The following NXNL1 variants were observed in gnomAD, a reference collection of about 807,000 sequenced individuals.
The protein encoded by NXNL1 is nucleoredoxin-like protein 1.
In NXNL1, 6 loss-of-function variants were observed where a neutral mutation model predicts 7.2. The ratio of observed to expected loss-of-function variants is 0.83; its 90% confidence interval spans 0.46 to 1.64. The LOEUF (loss-of-function observed/expected upper bound fraction) is 1.64. Among genes scored for constraint, NXNL1 ranks in the 40% most tolerant of loss-of-function variants. The pLI, the probability that NXNL1 is intolerant of heterozygous loss-of-function variation, is 0.01. For missense variants in NXNL1, 308 were observed against 285.1 expected, an observed-to-expected ratio of 1.08 and a Z score of -0.58; for synonymous variants, 133 against 127.2, an observed-to-expected ratio of 1.05 and a Z score of -0.31.
Position 17,455,680 on chromosome 19 carries a change from AC to A in NXNL1, c.605del (p.Gly202ValfsTer62). 1 of 413,154 alleles carries A rather than the reference AC, an allele frequency of 2.4e-6. No homozygotes were observed. The highest frequency in any genetic ancestry group is 3.4e-6 in the Non-Finnish European group (1 of 291,024). The allele number at this position is 413,154 out of a possible 1,614,324, so 25.6% of individuals were successfully genotyped here. On this transcript the variant is annotated frameshift_variant, in exon 2 of 2. Coordinates refer to ENST00000301944, the MANE Select transcript of NXNL1 (RefSeq NM_138454.2). LOFTEE classifies it high-confidence loss of function. ...GCCCCCCGGCCCCGCCCTCCTCCCC[AC>A]CCCCTCCCCCGGGGTCGCGCCCGCC... is the stretch of plus-strand genomic sequence containing the variant. ...ARGGRDPGGG[G>X]GEEGGAGGLF is the part of the protein sequence containing the mutation.
chr19:17,459,440 CAG>C (rs1480614502), intron 1 of NXNL1, among the ~76,000 whole-genome samples: 3 of 151,566 alleles, frequency 2.0e-5, no homozygotes, highest in Non-Finnish European at 4.4e-5. Context: ...ATTTTTGAGA[CAG>C]AGTCTCACTC....
At position 17,455,785 on chromosome 19, in the gene NXNL1, C is replaced by T; in HGVS notation, c.501G>A (p.Glu167=). The T allele has an allele frequency of 6.4e-7, 1 of 1,556,212 alleles. No individual in the cohort carries two copies. The highest frequency in any genetic ancestry group is 8.7e-7 in the Non-Finnish European group (1 of 1,155,730). ...TCCGTGGCTCCTGGTCCTCCAGGTC[C>T]TCTGGCAGCTGGAAGTTGCGGTCCA... ...EVLDRNFQLP[E]DLEDQEPRSL... Residue 167 remains glutamate (E), a synonymous_variant, in exon 2 of 2, where the codon GAG becomes GAA. Transcript: ENST00000301944.
Position 17,460,910 on chromosome 19 carries a change from T to TC in NXNL1, c.-42dup, listed in dbSNP as rs1216905760. 2 of 1,592,214 alleles carry TC rather than the reference T, an allele frequency of 1.3e-6. No homozygotes were observed. On this transcript the variant is annotated 5_prime_UTR_variant, in exon 1 of 2. Transcript: ENST00000301944. ...GTGCTGGGGACAGCGCGGCGTGTGG[T>TC]CCCCGGTCTGCTGACTGGCTCCTCT...
chr19:17,459,683 G>T (rs1313970942), intron 1 of NXNL1, among the ~76,000 whole-genome samples: 1 of 151,668 alleles, frequency 6.6e-6, no homozygotes, highest in African/African-American at 2.4e-5. Flanking sequence ...CTCCCAAAGT[G>T]CTAGATTTAC....
chr19:17,455,543 C>T lies in NXNL1; in HGVS notation c.*104G>A. 1 of 698,118 alleles carries T rather than the reference C, an allele frequency of 1.4e-6. No individual in the cohort carries two copies. Among genetic ancestry groups the T allele is most frequent in the African/African-American group, 1.8e-5 (1 of 55,756 alleles). The allele number at this position is 698,118 out of a possible 1,614,324, so 43.2% of individuals were successfully genotyped here. Reference sequence around the variant, plus strand: ...CTCGAACCTCTGGGCTCAAGCGATCCTCCCGCCTTGGCCTCCCCAAGTGCT... The same window carrying T: ...CTCGAACCTCTGGGCTCAAGCGATCTTCCCGCCTTGGCCTCCCCAAGTGCT... On this transcript the variant is annotated 3_prime_UTR_variant, in exon 2 of 2. Coordinates refer to ENST00000301944, the MANE Select transcript of NXNL1 (RefSeq NM_138454.2).
chr19:17,455,726 C>A lies in NXNL1; in HGVS notation c.560G>T (p.Arg187Leu). The A allele has an allele frequency of 1.9e-6, 3 of 1,538,520 alleles. No homozygotes were observed. Among genetic ancestry groups the A allele is most frequent in the Non-Finnish European group, 2.6e-6 (3 of 1,147,728 alleles). Reference protein sequence around the residue: ...LTECLRRHKYRVEKAARGGRD... With the variant: ...LTECLRRHKYLVEKAARGGRD... Reference sequence around the variant, plus strand: ...CCCGCCTCGCGCCGCCTTTTCCACGCGGTACTTGTGGCGGCGCAGGCACTC... The same window carrying A: ...CCCGCCTCGCGCCGCCTTTTCCACGAGGTACTTGTGGCGGCGCAGGCACTC... Residue 187 changes from arginine to leucine, a missense_variant, in exon 2 of 2, where the codon CGC becomes CTC. Transcript: ENST00000301944.
In NXNL1 at chr19:17,455,675, T is replaced by TCCCCCC; in HGVS notation, c.610_611insGGGGGG (p.Gly202_Gly203dup). The stretch of plus-strand genomic sequence containing the variant: ...GAACAGCCCCCCGGCCCCGCCCTCC[T>TCCCCCC]CCCCACCCCCTCCCCCGGGGTCGCG... On this transcript the variant is annotated inframe_insertion, in exon 2 of 2. Coordinates refer to ENST00000301944, the MANE Select transcript of NXNL1 (RefSeq NM_138454.2). The TCCCCCC allele has an allele frequency of 1.5e-5, 6 of 404,322 alleles. No individual in the cohort carries two copies. Among genetic ancestry groups the TCCCCCC allele is most frequent in the Non-Finnish European group, 2.1e-5 (6 of 286,130 alleles). The allele number at this position is 404,322 out of a possible 1,614,324, so 25.0% of individuals were successfully genotyped here. A position where few individuals can be genotyped will look rare whatever the true frequency, so the allele number is the denominator to read the frequency against.
At position 17,460,849 on chromosome 19, in the gene NXNL1, G is replaced by T; in HGVS notation, c.21C>A (p.Gly7=). MASLFS[G]RILIRNNSDQ... ...CGCTATTGTTGCGGATCAGGATGCGGCCAGAGAACAGGGAGGCCATGGTAA... is the reference window on the plus strand; with the variant it reads ...CGCTATTGTTGCGGATCAGGATGCGTCCAGAGAACAGGGAGGCCATGGTAA... Residue 7 remains glycine (G), a synonymous_variant, in exon 1 of 2, where the codon GGC becomes GGA. Coordinates refer to ENST00000301944, the MANE Select transcript of NXNL1 (RefSeq NM_138454.2). 6.2e-7 allele frequency: 1 copy of T among 1,613,490 alleles called. No homozygotes were observed. Among genetic ancestry groups the T allele is most frequent in the East Asian group, 2.2e-5 (1 of 44,890 alleles).
At chr19:17,456,844 C>T (rs780212291) in intron 1 of NXNL1, among the ~76,000 whole-genome samples, 2 of 151,904 alleles carry the variant, frequency 1.3e-5, no homozygotes, top group African/African-American at 2.4e-5. Flanking sequence ...CACAGGAGAT[C>T]GAGACCATCC....
At position 17,455,898 on chromosome 19, in the gene NXNL1, C is replaced by T; in HGVS notation, c.388G>A (p.Gly130Arg). 1 of 1,594,386 alleles carries T rather than the reference C, an allele frequency of 6.3e-7. No homozygotes were observed. The highest frequency in any genetic ancestry group is 8.5e-7 in the Non-Finnish European group (1 of 1,177,700). ...LPAVVVLKPD[G>R]DVLTRDGADE... ...GCGCCGTCGCGAGTGAGCACGTCCC[C>T]GTCCGGCTTGAGCACCACGACCGCC... The change falls in exon 2 of 2, where the codon GGG becomes AGG. Residue 130 changes from glycine to arginine, a missense_variant. Gly to Arg is a moderately radical substitution (Grantham distance 125). Coordinates refer to ENST00000301944, the MANE Select transcript of NXNL1 (RefSeq NM_138454.2).
chr19:17,455,655 G>C lies in NXNL1; in HGVS notation c.631C>G (p.Leu211Val). The C allele has an allele frequency of 1.0e-6, 1 of 958,056 alleles. No homozygotes were observed. The highest frequency in any genetic ancestry group is 2.7e-5 in the East Asian group (1 of 36,382). 59.3% of individuals were successfully genotyped at this position (958,056 alleles called of 1,614,324 possible). The change falls in exon 2 of 2, where the codon CTG becomes GTG. Residue 211 changes from leucine to valine, a missense_variant. Transcript: ENST00000301944. The part of the protein sequence containing the change: ...GGGEEGGAGG[L>V]F ...TCCTCCACCCTAGCGGGTCAGAACA[G>C]CCCCCCGGCCCCGCCCTCCTCCCCA...
intron 1 of NXNL1, among the ~76,000 whole-genome samples, chr19:17,457,043 T>TCAA (rs796402054): frequency 1.2e-3 from 181 of 147,834 alleles, no homozygotes; most frequent in African/African-American, 4.2e-3. Context: ...ATACTCCATC[T>TCAA]CAACAACAAC....
intron 1 of NXNL1, among the ~76,000 whole-genome samples, chr19:17,457,124 A>G (rs1416556054): frequency 6.7e-6 from 1 of 149,500 alleles, no homozygotes; most frequent in East Asian, 2.0e-4. Context: ...GAGGCTGGGT[A>G]CAGTGGCTCA....
At chr19:17,458,553 A>T (rs1201819691) in intron 1 of NXNL1, among the ~76,000 whole-genome samples, 2 of 144,652 alleles carry the variant, frequency 1.4e-5, no homozygotes, top group Non-Finnish European at 3.0e-5. Context: ...ATACTGTTTC[A>T]TTGGGCAGCT....
intron 1 of NXNL1, among the ~76,000 whole-genome samples, chr19:17,456,808 T>C (rs1174235650): frequency 6.6e-6 from 1 of 151,872 alleles, no homozygotes; most frequent in Non-Finnish European, 1.5e-5. Flanking sequence ...GATTGCCAGG[T>C]TTAGTAATTA....
chr19:17,455,581 G>A lies in NXNL1; in HGVS notation c.*66C>T. On this transcript the variant is annotated 3_prime_UTR_variant, in exon 2 of 2. Coordinates refer to ENST00000301944, the MANE Select transcript of NXNL1 (RefSeq NM_138454.2). ...CTCCCCAAGTGCTGGGATTACAGGCGTGCGGGGGTGGGGTGGGGGTGGAGG... is the reference window on the plus strand; with the variant it reads ...CTCCCCAAGTGCTGGGATTACAGGCATGCGGGGGTGGGGTGGGGGTGGAGG... 3.0e-6 allele frequency: 3 copies of A among 996,224 alleles called. No individual in the cohort carries two copies. The highest frequency in any genetic ancestry group is 3.2e-5 in the South Asian group (2 of 63,400). The allele number at this position is 996,224 out of a possible 1,614,324, so 61.7% of individuals were successfully genotyped here. A position where few individuals can be genotyped will look rare whatever the true frequency, so the allele number is the denominator to read the frequency against.
At chr19:17,457,468 C>T (rs1287937414) in intron 1 of NXNL1, among the ~76,000 whole-genome samples, 2 of 151,898 alleles carry the variant, frequency 1.3e-5, no homozygotes, top group South Asian at 2.1e-4. Context: ...AACTCCTGGG[C>T]TCCAGTGATC....
At chr19:17,457,534 AT>A (rs892737974) in intron 1 of NXNL1, among the ~76,000 whole-genome samples, 49 of 147,518 alleles carry the variant, frequency 3.3e-4, no homozygotes, top group South Asian at 2.0e-3. Flanking sequence ...ACCACACCTA[AT>A]TTTTTTTTTT....
At chr19:17,460,088 G>A (rs1315543397) in intron 1 of NXNL1, among the ~76,000 whole-genome samples, 1 of 152,096 alleles carries the variant, frequency 6.6e-6, no homozygotes, top group Non-Finnish European at 1.5e-5. Context: ...TTACCTCACT[G>A]CAGCATCTGC....
Sources: gnomAD v4.1 joint callset for allele counts (sites outside exome capture counted in the v4.1 genomes callset) on GRCh38, gnomAD v4.1.1 for gene constraint, MANE v1.5 for transcripts, NCBI Gene and HGNC (gene_info 2026-07-23, HGNC 2026-07-21) for gene names.